The following PLAC8 variants were observed in gnomAD, a reference collection of about 807,000 sequenced individuals.
PLAC8 encodes placenta-specific gene 8 protein.
A neutral mutation model predicts 12.6 loss-of-function variants in PLAC8; 6 were observed. The ratio of observed to expected loss-of-function variants is 0.48; its 90% CI spans 0.26 to 0.94. The LOEUF (loss-of-function observed/expected upper bound fraction) is 0.94. Ranked by LOEUF, PLAC8 falls within the 40% of genes least tolerant of loss-of-function variation. The pLI is 0.14. For synonymous variants in PLAC8, 54 were observed against 52.6 expected, an observed-to-expected ratio of 1.03 and a Z score of -0.11; for missense variants, 122 against 152.7, an observed-to-expected ratio of 0.80 and a Z score of 1.06.
chr4:83,103,095 A>G (rs1255740808), intron 3 of PLAC8, among the ~76,000 whole-genome samples: 1 of 133,166 alleles, frequency 7.5e-6, no homozygotes, highest in Non-Finnish European at 1.6e-5. Flanking sequence ...AAAAAAAAAA[A>G]AAAGAAAGCT....
chr4:83,112,186 A>AT (rs1314241396), intron 1 of PLAC8, among the ~76,000 whole-genome samples: 2 of 106,636 alleles, frequency 1.9e-5, no homozygotes, highest in African/African-American at 7.3e-5. Flanking sequence ...AAAAAAAAAA[A>AT]TTTATATATA....
At chr4:83,103,309 C>T (rs1478163733) in intron 3 of PLAC8, among the ~76,000 whole-genome samples, 1 of 147,516 alleles carries the variant, frequency 6.8e-6, no homozygotes, top group East Asian at 2.1e-4. Context: ...GCAGGAGAAT[C>T]GCTTGAACCT....
At position 83,090,132 on chromosome 4, in the gene PLAC8, A is replaced by G. The variant is rs1005359217; in HGVS notation, c.*849T>C. ...AAATCTCCTGCTAAGAAACCAAAGT[A>G]TGGTGCAGTGGCTCACACCTGTAAT... On this transcript the variant is annotated 3_prime_UTR_variant, in exon 5 of 5. Coordinates refer to ENST00000311507, the MANE Select transcript of PLAC8 (RefSeq NM_016619.3). The G allele has an allele frequency of 1.3e-5, 2 of 151,890 alleles. No individual in the cohort carries two copies. The highest frequency in any genetic ancestry group is 1.5e-5 in the Non-Finnish European group (1 of 67,988). The allele number at this position is 151,890 out of a possible 1,614,324, so 9.4% of individuals were successfully genotyped here.
At chr4:83,110,766 C>A (rs1480727965) in intron 1 of PLAC8, among the ~76,000 whole-genome samples, 3 of 152,250 alleles carry the variant, frequency 2.0e-5, no homozygotes, top group Non-Finnish European at 4.4e-5. Context: ...CCAGTACTAA[C>A]ATGGTCGAAA....
intron 2 of PLAC8, among the ~76,000 whole-genome samples, chr4:83,105,808 A>T (rs1354715831): frequency 6.6e-6 from 1 of 152,146 alleles, no homozygotes; most frequent in Non-Finnish European, 1.5e-5. Flanking sequence ...AGAGGGTTAA[A>T]ATGTTCATCT....
intron 4 of PLAC8, among the ~76,000 whole-genome samples, chr4:83,091,628 T>A (rs912418559): frequency 6.6e-6 from 1 of 152,206 alleles, no homozygotes; most frequent in East Asian, 1.9e-4. Flanking sequence ...TTGCATGCTG[T>A]ACTTTTCATG....
intron 3 of PLAC8, 30 bp downstream of exon 3, chr4:83,104,866 T>C: frequency 6.2e-7 from 1 of 1,610,624 alleles, no homozygotes; most frequent in Non-Finnish European, 8.5e-7. Flanking sequence ...GGGTGCATAT[T>C]TGAGTGAGAT....
At chr4:83,095,040 T>C (rs1279695565) in intron 3 of PLAC8, among the ~76,000 whole-genome samples, 1 of 152,210 alleles carries the variant, frequency 6.6e-6, no homozygotes, top group Non-Finnish European at 1.5e-5. Context: ...GTATGAGAGT[T>C]AAATATCCTT....
At chr4:83,092,355 C>T (rs1441463625) in intron 4 of PLAC8, among the ~76,000 whole-genome samples, 3 of 151,682 alleles carry the variant, frequency 2.0e-5, no homozygotes, top group Non-Finnish European at 4.4e-5. Context: ...GTACTATATA[C>T]TATTATTAGA....
intron 3 of PLAC8, among the ~76,000 whole-genome samples, chr4:83,099,672 C>T (rs1042940003): frequency 2.6e-5 from 4 of 151,860 alleles, no homozygotes; most frequent in African/African-American, 7.3e-5. Flanking sequence ...TCCAATAGTG[C>T]GTGAGTTCTC....
At chr4:83,104,225 T>A (rs1008668567) in intron 3 of PLAC8, among the ~76,000 whole-genome samples, 1 of 152,238 alleles carries the variant, frequency 6.6e-6, no homozygotes, top group Admixed American at 6.5e-5. Context: ...GCATACCTTT[T>A]ATGTGCACTG....
At chr4:83,103,414 A>G (rs1732157020) in intron 3 of PLAC8, among the ~76,000 whole-genome samples, 1 of 152,140 alleles carries the variant, frequency 6.6e-6, no homozygotes, top group African/African-American at 2.4e-5. Flanking sequence ...GAAAGAAAGA[A>G]AGAAAGTGGT....
chr4:83,096,298 C>G (rs1731924195), intron 3 of PLAC8, among the ~76,000 whole-genome samples: 1 of 152,174 alleles, frequency 6.6e-6, no homozygotes, highest in South Asian at 2.1e-4. Context: ...TTCACCACCT[C>G]AGCCTCCTGA....
chr4:83,100,332 A>G (rs1419035372), intron 3 of PLAC8, among the ~76,000 whole-genome samples: 1 of 151,044 alleles, frequency 6.6e-6, no homozygotes, highest in Non-Finnish European at 1.5e-5. Flanking sequence ...CTCCTGCTCC[A>G]GTCATGTGAA....
rs1429219482 is a variant in PLAC8 at position 83,090,248 on chromosome 4, G to A, written c.*733C>T. The stretch of plus-strand genomic sequence containing the variant: ...CAACATAGAAAGACCCCCAACTCTA[G>A]GCTGGACGCGGTGGCTCATGCCTGT... On this transcript the variant is annotated 3_prime_UTR_variant, in exon 5 of 5. Coordinates refer to ENST00000311507, the MANE Select transcript of PLAC8 (RefSeq NM_016619.3). 6.6e-6 allele frequency: 1 copy of A among 151,714 alleles called. No individual in the cohort carries two copies. Among genetic ancestry groups the A allele is most frequent in the East Asian group, 1.9e-4 (1 of 5,144 alleles). 9.4% of individuals were successfully genotyped at this position (151,714 alleles called of 1,614,324 possible). A position where few individuals can be genotyped will look rare whatever the true frequency, so the allele number is the denominator to read the frequency against.
At chr4:83,100,245 C>T (rs538113821) in intron 3 of PLAC8, among the ~76,000 whole-genome samples, 28 of 148,910 alleles carry the variant, frequency 1.9e-4, no homozygotes, top group African/African-American at 6.0e-4. Flanking sequence ...CGTGCCACTG[C>T]ACTCCAGCCT....
In PLAC8 at chr4:83,104,980, T is replaced by C. The variant is rs934882195; in HGVS notation, c.159A>G (p.Gln53=). ...GTFCFPCLGC[Q]VAADMNECCL... ...AGCATTCATTCATATCAGCTGCAAC[T>C]TGACACCCAAGGCACGGGAAACAAA... Residue 53 remains glutamine (Q), a synonymous_variant, in exon 3 of 5, where the codon CAA becomes CAG. Transcript: ENST00000311507. 1 of 1,614,144 alleles carries C rather than the reference T, an allele frequency of 6.2e-7. No homozygotes were observed. Among genetic ancestry groups the C allele is most frequent in the Non-Finnish European group, 8.5e-7 (1 of 1,180,032 alleles).
At chr4:83,091,665 T>G (rs548414624) in intron 4 of PLAC8, among the ~76,000 whole-genome samples, 122 of 152,318 alleles carry the variant, frequency 8.0e-4, no homozygotes, top group Non-Finnish European at 1.4e-3. Flanking sequence ...GAAGTCACTA[T>G]GCAAACCCCC....
chr4:83,100,125 C>CA (rs1732056116), intron 3 of PLAC8, among the ~76,000 whole-genome samples: 1 of 151,020 alleles, frequency 6.6e-6, no homozygotes, highest in East Asian at 1.9e-4. Flanking sequence ...ACTAAAAATA[C>CA]AAAAAAATAG....
Sources: gnomAD v4.1 joint callset for allele counts (sites outside exome capture counted in the v4.1 genomes callset) on GRCh38, gnomAD v4.1.1 for gene constraint, MANE v1.5 for transcripts, NCBI Gene and HGNC (gene_info 2026-07-23, HGNC 2026-07-21) for gene names.